Variants in ZDHHC23 observed in about 807,000 individuals in gnomAD.
ZDHHC23 encodes zDHHC palmitoyltransferase 23, also known as palmitoyltransferase ZDHHC23.
In ZDHHC23, 41 loss-of-function variants were observed where a neutral mutation model predicts 40.2. That is an observed-to-expected ratio of 1.02 (90% CI 0.79 to 1.32). The LOEUF is 1.32. ZDHHC23 is among the 40% of genes most tolerant of loss of function. The pLI, the probability that ZDHHC23 is intolerant of heterozygous loss-of-function variation, is 0.00. For synonymous variants in ZDHHC23, 204 were observed against 210.2 expected (o/e 0.97, Z 0.26); for missense variants, 471 against 541.5 (o/e 0.87, Z 1.29).
chr3:113,957,722 A>G (rs1165005305), intron 4 of ZDHHC23: 2 of 518,414 alleles, frequency 3.9e-6, no homozygotes, highest in Admixed American at 3.9e-5. Context: ...ATGTTGGAAA[A>G]TCATCAAATG....
Position 113,948,786 on chromosome 3 carries a change from G to A in ZDHHC23, c.-17G>A. The A allele has an allele frequency of 1.9e-6, 3 of 1,614,024 alleles. No individual in the cohort carries two copies. The highest frequency in any genetic ancestry group is 1.7e-6 in the Non-Finnish European group (2 of 1,179,986). The stretch of plus-strand genomic sequence containing the variant: ...CTTCTGAGGGCTTCTTACGCCTCAT[G>A]GTGACAGGTGCAAATCATGACACAG... On this transcript the variant is annotated 5_prime_UTR_variant, in exon 2 of 5. The change abolishes an upstream ATG in the 5' untranslated region. Transcript: ENST00000638807.
rs756472934 is a variant in ZDHHC23, at chr3:113,963,270, G to T, written c.*4640G>T. 6.6e-6 allele frequency: 1 copy of T among 151,998 alleles called. No homozygotes were observed. The highest frequency in any genetic ancestry group is 1.5e-5 in the Non-Finnish European group (1 of 68,012). 9.4% of individuals were successfully genotyped at this position (151,998 alleles called of 1,614,324 possible). A position where few individuals can be genotyped will look rare whatever the true frequency, so the allele number is the denominator to read the frequency against. The stretch of plus-strand genomic sequence containing the variant: ...TATCTCTTTAGAAGGCTCTGTATTC[G>T]GTAAAAAGTCTAGCTGGCGCCATTG... On this transcript the variant is annotated 3_prime_UTR_variant, in exon 5 of 5. Coordinates refer to ENST00000638807, the MANE Select transcript of ZDHHC23 (RefSeq NM_001320466.2).
chr3:113,959,654 A>G lies in ZDHHC23; in HGVS notation c.*1024A>G. 1.7e-6 allele frequency: 2 copies of G among 1,171,754 alleles called. No homozygotes were observed. Among genetic ancestry groups the G allele is most frequent in the East Asian group, 6.0e-5 (1 of 16,754 alleles). 72.6% of individuals were successfully genotyped at this position (1,171,754 alleles called of 1,614,324 possible). ...CGATTATTTTCTTCATGTATTTCAA[A>G]TGCTGTCAGTTATAGCACTAAATTG... On this transcript the variant is annotated 3_prime_UTR_variant, in exon 5 of 5. Transcript: ENST00000638807.
At chr3:113,948,319 C>G (rs530073634) in intron 1 of ZDHHC23, 129 bp downstream of exon 1, 1 of 158,460 alleles carries the variant, frequency 6.3e-6, no homozygotes, top group African/African-American at 2.4e-5. Context: ...GACCGCGACC[C>G]CTGAGCACTG....
chr3:113,949,486 GTT>G (rs748241325), intron 2 of ZDHHC23, among the ~76,000 whole-genome samples: 25 of 152,286 alleles, frequency 1.6e-4, no homozygotes, highest in Non-Finnish European at 3.5e-4. Flanking sequence ...TGGATTCACA[GTT>G]TTCAGTGCGA....
In ZDHHC23 at chr3:113,961,202, G is replaced by A. The variant is rs1404081629; in HGVS notation, c.*2572G>A. 2.6e-5 allele frequency: 4 copies of A among 156,154 alleles called. No homozygotes were observed. The highest frequency in any genetic ancestry group is 4.2e-5 in the Non-Finnish European group (3 of 70,858). The allele number at this position is 156,154 out of a possible 1,614,324, so 9.7% of individuals were successfully genotyped here. ...TCTTGGGCAGAGGAGCAAGCCCCTC[G>A]AACATGATTTCAAACAAGCAGGTCC... On this transcript the variant is annotated 3_prime_UTR_variant, in exon 5 of 5. Transcript: ENST00000638807.
chr3:113,954,443 G>A (rs1261815580), intron 3 of ZDHHC23, 33 bp downstream of exon 3: 12 of 1,489,720 alleles, frequency 8.1e-6, no homozygotes, highest in African/African-American at 1.4e-5. Flanking sequence ...CTTGGAAAGT[G>A]TAAATTCATG....
chr3:113,966,387 C>A (rs1438811512), downstream of ZDHHC23, among the ~76,000 whole-genome samples: 1 of 152,182 alleles, frequency 6.6e-6, no homozygotes, highest in Admixed American at 6.5e-5. Context: ...CAGGTACCGT[C>A]TGCCCCGGGA....
the ZDHHC23 span, among the ~76,000 whole-genome samples, chr3:113,973,699 G>A: frequency 3.3e-5 from 5 of 151,534 alleles, no homozygotes; most frequent in Admixed American, 6.6e-5. Flanking sequence ...ATGAATTGGA[G>A]CTTCATTATA....
chr3:113,973,382 G>A, the ZDHHC23 span, among the ~76,000 whole-genome samples: 2 of 152,080 alleles, frequency 1.3e-5, no homozygotes, highest in East Asian at 3.9e-4. Flanking sequence ...GTTTGTTCAT[G>A]TACTTAATTT....
At chr3:113,978,186 C>T in the ZDHHC23 span, 30 of 1,613,806 alleles carry the variant, frequency 1.9e-5, no homozygotes, top group African/African-American at 9.3e-5. Flanking sequence ...AAAACCTCAC[C>T]TGTCACTGTG....
chr3:113,974,892 A>G, the ZDHHC23 span, among the ~76,000 whole-genome samples: 8 of 151,648 alleles, frequency 5.3e-5, no homozygotes, highest in Non-Finnish European at 7.4e-5. Flanking sequence ...CTAATCTTTT[A>G]TGTTTTCTAC....
intron 3 of ZDHHC23, among the ~76,000 whole-genome samples, chr3:113,955,214 G>A (rs550295712): frequency 6.6e-6 from 1 of 152,348 alleles, no homozygotes; most frequent in East Asian, 1.9e-4. Context: ...AGGAGAGGGT[G>A]AGGGTGCAGA....
At chr3:113,948,294 C>A (rs1037524798) in intron 1 of ZDHHC23, 104 bp downstream of exon 1, 11 of 154,154 alleles carry the variant, frequency 7.1e-5, no homozygotes, top group Non-Finnish European at 1.3e-4. Flanking sequence ...GCAAGGGGCC[C>A]GACCAGTTGG....
the ZDHHC23 span, chr3:113,979,006 G>T: frequency 6.2e-7 from 1 of 1,612,984 alleles, no homozygotes; most frequent in South Asian, 1.1e-5. Context: ...ATGTTCTTCT[G>T]CCACCTGGAC....
chr3:113,963,936 T>C (rs1260490766), downstream of ZDHHC23, among the ~76,000 whole-genome samples: 1 of 57,332 alleles, frequency 1.7e-5, no homozygotes, highest in East Asian at 6.1e-4. Flanking sequence ...AAACACAGGT[T>C]TTTTTTTTTT....
At chr3:113,978,370 A>G in the ZDHHC23 span, 3 of 1,601,968 alleles carry the variant, frequency 1.9e-6, no homozygotes, top group Non-Finnish European at 2.6e-6. Context: ...GACAAAAAAT[A>G]TCAGTTGACA....
Position 113,960,864 on chromosome 3 carries a change from A to T in ZDHHC23, c.*2234A>T, listed in dbSNP as rs1939634453. On this transcript the variant is annotated 3_prime_UTR_variant, in exon 5 of 5. Coordinates refer to ENST00000638807, the MANE Select transcript of ZDHHC23 (RefSeq NM_001320466.2). Reference sequence around the variant, plus strand: ...AGTTGACAGAATGCTTAAACCTGTCAAAAGATGAGTGATCTTGTGTGGGAA... The same window carrying T: ...AGTTGACAGAATGCTTAAACCTGTCTAAAGATGAGTGATCTTGTGTGGGAA... The T allele has an allele frequency of 1.6e-5, 22 of 1,394,522 alleles. No individual in the cohort carries two copies. Among genetic ancestry groups the T allele is most frequent in the Non-Finnish European group, 2.0e-5 (21 of 1,056,024 alleles). 86.4% of individuals were successfully genotyped at this position (1,394,522 alleles called of 1,614,324 possible).
In ZDHHC23 at chr3:113,958,902, T is replaced by A; in HGVS notation, c.*272T>A. ...ACTTGAGAAGGATGTGGATTGCTAA[T>A]GCACAAATTGATAGAAGCAATTCCC... On this transcript the variant is annotated 3_prime_UTR_variant, in exon 5 of 5. Transcript: ENST00000638807. 2 of 1,265,356 alleles carry A rather than the reference T, an allele frequency of 1.6e-6. No homozygotes were observed. The highest frequency in any genetic ancestry group is 2.0e-6 in the Non-Finnish European group (2 of 983,334). 78.4% of individuals were successfully genotyped at this position (1,265,356 alleles called of 1,614,324 possible). A position where few individuals can be genotyped will look rare whatever the true frequency, so the allele number is the denominator to read the frequency against.
Sources: allele counts gnomAD v4.1 joint callset (sites outside exome capture counted in the v4.1 genomes callset), GRCh38; gene constraint gnomAD v4.1.1; transcripts MANE v1.5; gene names NCBI Gene and HGNC (gene_info 2026-07-23, HGNC 2026-07-21).